PLCG2: variants seen among roughly 807,000 people sequenced by gnomAD.
The protein encoded by PLCG2 is 1-phosphatidylinositol 4,5-bisphosphate phosphodiesterase gamma-2.
In PLCG2, 69 loss-of-function variants were observed where a neutral mutation model predicts 175.6. That is an observed-to-expected ratio of 0.39 (90% confidence interval 0.32 to 0.48). The LOEUF (loss-of-function observed/expected upper bound fraction) is 0.48. PLCG2 is among the 20% of genes least tolerant of loss of function. PLCG2 has a pLI of 0.91. For missense variants in PLCG2, 1,798 were observed against 1,650.9 expected (o/e 1.09, Z -1.54); for synonymous variants, 827 against 624.0 (o/e 1.33, Z -4.85).
At chr16:81,916,805 G>T (rs71400184) in intron 19 of PLCG2, among the ~76,000 whole-genome samples, 58,793 of 151,676 alleles carry the variant, frequency 0.39, 12,432 homozygotes, top group East Asian at 0.78. Flanking sequence ...GCCTGGCTAA[G>T]TTTTGTATTT....
At chr16:81,740,138 CAAAAAAAAAAAAA>C (rs5818349) in intron 1 of PLCG2, 1 of 88,730 alleles carries the variant, frequency 1.1e-5, no homozygotes, top group Non-Finnish European at 2.1e-5. Context: ...ACTCTGTCTC[CAAAAAAAAAAAAA>C]AAAAAAAGAA....
chr16:81,860,671 T>C (rs1050175201), intron 5 of PLCG2, among the ~76,000 whole-genome samples: 1 of 152,100 alleles, frequency 6.6e-6, no homozygotes, highest in Admixed American at 6.6e-5. Flanking sequence ...GATAATGTAA[T>C]GATAAAAACT....
At chr16:81,955,977 G>A (rs184191592) in intron 31 of PLCG2, among the ~76,000 whole-genome samples, 1 of 152,188 alleles carries the variant, frequency 6.6e-6, no homozygotes, top group African/African-American at 2.4e-5. Flanking sequence ...AGCCTATTAC[G>A]TGTTGTACAG....
At chr16:81,896,803 T>C (rs933024477) in intron 13 of PLCG2, among the ~76,000 whole-genome samples, 7 of 152,146 alleles carry the variant, frequency 4.6e-5, no homozygotes, top group Non-Finnish European at 1.0e-4. Flanking sequence ...TCATATTGAT[T>C]CTTTGCCACA....
At chr16:81,786,576 C>T (rs1045461415) in intron 2 of PLCG2, among the ~76,000 whole-genome samples, 4 of 152,168 alleles carry the variant, frequency 2.6e-5, no homozygotes, top group Non-Finnish European at 5.9e-5. Flanking sequence ...TCGCCAAATG[C>T]TACCTTGTTT....
At chr16:81,827,478 T>C (rs1007368010) in intron 2 of PLCG2, among the ~76,000 whole-genome samples, 2 of 152,088 alleles carry the variant, frequency 1.3e-5, no homozygotes, top group African/African-American at 4.8e-5. Flanking sequence ...CATGAGTCAC[T>C]GTACCCGGCC....
At chr16:81,928,249 A>G (rs1053532376) in intron 23 of PLCG2, among the ~76,000 whole-genome samples, 1 of 152,068 alleles carries the variant, frequency 6.6e-6, no homozygotes, top group Admixed American at 6.5e-5. Context: ...AGGTCAGATA[A>G]ATAGTCTAGG....
chr16:81,888,879 G>A (rs565217700), intron 9 of PLCG2, among the ~76,000 whole-genome samples: 1 of 152,116 alleles, frequency 6.6e-6, no homozygotes, highest in African/African-American at 2.4e-5. Context: ...ATTTGCCTAC[G>A]GATCATCTGT....
intron 2 of PLCG2, among the ~76,000 whole-genome samples, chr16:81,756,235 T>A (rs1909924482): frequency 6.6e-6 from 1 of 152,246 alleles, no homozygotes; most frequent in Non-Finnish European, 1.5e-5. Flanking sequence ...CAAGGCCAAC[T>A]GGCAAGTGGC....
chr16:81,744,032 G>A (rs1380780278), intron 1 of PLCG2, among the ~76,000 whole-genome samples: 1 of 151,156 alleles, frequency 6.6e-6, no homozygotes, highest in African/African-American at 2.4e-5. Flanking sequence ...CTAATTTTTT[G>A]TATTTTTAGT....
In PLCG2 at chr16:81,960,414, C is replaced by T. The variant is rs1211016600; in HGVS notation, c.*2416C>T. Reference sequence around the variant, plus strand: ...CACTGATAGATCAAAACCACCACTGCATATGTATTACACTGTTTTTGTTCA... The same window carrying T: ...CACTGATAGATCAAAACCACCACTGTATATGTATTACACTGTTTTTGTTCA... On this transcript the variant is annotated 3_prime_UTR_variant, in exon 33 of 33. Coordinates refer to ENST00000564138, the MANE Select transcript of PLCG2 (RefSeq NM_002661.5). 1 of 225,432 alleles carries T rather than the reference C, an allele frequency of 4.4e-6. No individual in the cohort carries two copies. The highest frequency in any genetic ancestry group is 5.7e-5 in the Admixed American group (1 of 17,484). 14.0% of individuals were successfully genotyped at this position (225,432 alleles called of 1,614,324 possible). A position where few individuals can be genotyped will look rare whatever the true frequency, so the allele number is the denominator to read the frequency against.
At chr16:81,854,096 G>GT (rs5818355) in intron 2 of PLCG2, among the ~76,000 whole-genome samples, 45,584 of 150,724 alleles carry the variant, frequency 0.3, 7,515 homozygotes, top group South Asian at 0.38. Context: ...TTGGTCTCTT[G>GT]TTTTTTTTTG....
Position 81,912,712 on chromosome 16 carries a change from T to C in PLCG2, c.2050T>C (p.Phe684Leu). 1 of 1,603,748 alleles carries C rather than the reference T, an allele frequency of 6.2e-7. No homozygotes were observed. Among genetic ancestry groups the C allele is most frequent in the South Asian group, 1.1e-5 (1 of 89,206 alleles). Residue 684 changes from phenylalanine to leucine, a missense_variant, in exon 19 of 33, where the codon TTC becomes CTC. By Grantham distance (22) the Phe-to-Leu change is conservative. Transcript: ENST00000564138. ...REGSDSYAITFRARGKVKHCR... is the reference protein window; with the variant it reads ...REGSDSYAITLRARGKVKHCR... Reference sequence around the variant, plus strand: ...GGGGAGCGACTCCTATGCCATCACCTTCAGGTGGGTGCGAGGGTGGGAGGC... The same window carrying C: ...GGGGAGCGACTCCTATGCCATCACCCTCAGGTGGGTGCGAGGGTGGGAGGC...
intron 8 of PLCG2, among the ~76,000 whole-genome samples, chr16:81,883,012 G>A (rs554389785): frequency 6.6e-6 from 1 of 152,106 alleles, no homozygotes; most frequent in East Asian, 1.9e-4. Context: ...GTGCACCAGA[G>A]CTATTTTGGA....
At chr16:81,950,340 A>G (rs769864412) in intron 31 of PLCG2, among the ~76,000 whole-genome samples, 6 of 152,212 alleles carry the variant, frequency 3.9e-5, no homozygotes, top group Non-Finnish European at 8.8e-5. Context: ...AAGACGAACA[A>G]TATGTGATGA....
At chr16:81,905,775 C>T (rs1909343158) in intron 15 of PLCG2, among the ~76,000 whole-genome samples, 1 of 152,154 alleles carries the variant, frequency 6.6e-6, no homozygotes, top group Admixed American at 6.5e-5. Context: ...CCTCCCACCT[C>T]AACCTCCCTG....
chr16:81,915,769 TACCTCGGC>T (rs1463779602), intron 19 of PLCG2, among the ~76,000 whole-genome samples: 3 of 151,510 alleles, frequency 2.0e-5, no homozygotes, highest in Admixed American at 6.6e-5. Context: ...CTTGGCTCTG[TACCTCGGC>T]ACCCCAGAGC....
chr16:81,808,832 G>A lies in PLCG2; in HGVS notation c.193+22650G>A, dbSNP rs923763971. ...TTGAGCAAGCTCCATAGCCTCTGTGGGCCTGGCCTCTGTTTCCCCCTATGC... is the reference window on the plus strand; with the variant it reads ...TTGAGCAAGCTCCATAGCCTCTGTGAGCCTGGCCTCTGTTTCCCCCTATGC... On this transcript the variant is annotated intron_variant, in intron 2 of 32. Coordinates refer to ENST00000564138, the MANE Select transcript of PLCG2 (RefSeq NM_002661.5). 2.0e-5 allele frequency among the ~76,000 whole-genome samples: 3 copies of A among 152,256 alleles called. No individual in the cohort carries two copies. In the East Asian group the frequency reaches 5.8e-4, roughly 29 times the overall value.
At chr16:81,898,139 C>G (rs1024409565) in intron 13 of PLCG2, 2 of 222,006 alleles carry the variant, frequency 9.0e-6, no homozygotes, top group Non-Finnish European at 1.8e-5. Flanking sequence ...TGGTTGTGAG[C>G]TGACAGTCAT....
Sources: gnomAD v4.1 joint callset for allele counts (sites outside exome capture counted in the v4.1 genomes callset) on GRCh38, gnomAD v4.1.1 for gene constraint, MANE v1.5 for transcripts, NCBI Gene and HGNC (gene_info 2026-07-23, HGNC 2026-07-21) for gene names.